Variants in RUNX1T1 observed in about 807,000 individuals in gnomAD.
The protein encoded by RUNX1T1 is RUNX1 partner transcriptional co-repressor 1.
Under a neutral mutation model 62.8 loss-of-function variants are expected in RUNX1T1, and 4 were observed. That is an observed-to-expected ratio of 0.06 (90% CI 0.03 to 0.15). The LOEUF (loss-of-function observed/expected upper bound fraction) is 0.15. Ranked by LOEUF, RUNX1T1 falls within the 10% of genes least tolerant of loss-of-function variation. RUNX1T1 has a pLI of 1.00. For synonymous variants in RUNX1T1, 291 were observed against 286.0 expected (o/e 1.02, Z -0.18); for missense variants, 508 against 754.3 (o/e 0.67, Z 3.82).
At chr8:91,963,830 ATGAC>A (rs1319215959) in intron 10 of RUNX1T1, among the ~76,000 whole-genome samples, 2 of 152,204 alleles carry the variant, frequency 1.3e-5, no homozygotes, top group Admixed American at 6.5e-5. Flanking sequence ...TTATTTTTAA[ATGAC>A]TGAGCTTCCC....
At chr8:92,065,870 TTAAG>T (rs1442050410), upstream of RUNX1T1, among the ~76,000 whole-genome samples, 14 of 152,158 alleles carry the variant, frequency 9.2e-5, no homozygotes, top group Non-Finnish European at 4.4e-5. Flanking sequence ...ACAGTGGGTA[TTAAG>T]TGAGTTAATT....
At chr8:92,027,858 T>C (rs963675367) in intron 1 of RUNX1T1, among the ~76,000 whole-genome samples, 1 of 152,054 alleles carries the variant, frequency 6.6e-6, no homozygotes, top group Non-Finnish European at 1.5e-5. Context: ...CTCATCTCCA[T>C]ACAGGGACAA....
At chr8:92,005,445 A>C in intron 4 of RUNX1T1, 148 bp from the exon 6 acceptor site, 1 of 656,368 alleles carries the variant, frequency 1.5e-6, no homozygotes, top group East Asian at 2.9e-5. Context: ...CCACAGGCAC[A>C]ATTCTCAGCA....
At chr8:92,054,201 T>C (rs1830662037) in intron 1 of RUNX1T1, among the ~76,000 whole-genome samples, 1 of 151,882 alleles carries the variant, frequency 6.6e-6, no homozygotes, top group South Asian at 2.1e-4. Context: ...CCATTCTAAG[T>C]TTGGTTATCT....
intron 1 of RUNX1T1, among the ~76,000 whole-genome samples, chr8:92,078,723 C>A (rs998986034): frequency 6.6e-6 from 1 of 152,184 alleles, no homozygotes; most frequent in Non-Finnish European, 1.5e-5. Flanking sequence ...AGAAAGTGAA[C>A]TCTGCTATAT....
chr8:91,979,969 T>C (rs1291951005), intron 8 of RUNX1T1: 9 of 392,944 alleles, frequency 2.3e-5, no homozygotes, highest in Non-Finnish European at 4.5e-5. Flanking sequence ...CATGATAATA[T>C]CTATTACAAA....
intron 1 of RUNX1T1, among the ~76,000 whole-genome samples, chr8:92,027,701 GC>G (rs1326100396): frequency 6.6e-6 from 1 of 152,112 alleles, no homozygotes; most frequent in Non-Finnish European, 1.5e-5. Flanking sequence ...TCAGCAGCTG[GC>G]CCAGAATCAG....
chr8:92,020,205 T>C (rs1823814525), intron 1 of RUNX1T1, among the ~76,000 whole-genome samples: 2 of 152,208 alleles, frequency 1.3e-5, no homozygotes, highest in Admixed American at 6.5e-5. Context: ...GAACACTCTC[T>C]GGAGCACAGA....
rs930965484 is a variant in RUNX1T1, at chr8:92,092,447, A to G, written c.-86+7133T>C. Among the ~76,000 whole-genome samples, 4 of 152,310 alleles carry G rather than the reference A, an allele frequency of 2.6e-5. 1 individual carries two copies. Among genetic ancestry groups the G allele is most frequent in the South Asian group, 4.1e-4 (2 of 4,828 alleles). On this transcript the variant is annotated intron_variant, in intron 1 of 11. Coordinates refer to the RUNX1T1 transcript ENST00000265814. ...AAGCATAATTTAATCATTTTATTTA[A>G]GCATGGAAAAGATTATTCTGAAAGC...
At chr8:91,962,231 A>G (rs1810623400) in intron 10 of RUNX1T1, among the ~76,000 whole-genome samples, 1 of 152,232 alleles carries the variant, frequency 6.6e-6, no homozygotes, top group Non-Finnish European at 1.5e-5. Context: ...TAACCATCAG[A>G]CATTGCTATG....
chr8:92,062,198 A>G (rs1180074882), intron 1 of RUNX1T1, among the ~76,000 whole-genome samples: 1 of 152,210 alleles, frequency 6.6e-6, no homozygotes, highest in African/African-American at 2.4e-5. Flanking sequence ...GACACCAAGT[A>G]CAGATGATAG....
chr8:92,025,551 A>C (rs1301673863), intron 1 of RUNX1T1, among the ~76,000 whole-genome samples: 1 of 152,192 alleles, frequency 6.6e-6, no homozygotes, highest in Non-Finnish European at 1.5e-5. Context: ...CACTTCAGCC[A>C]GAAACCTTTT....
chr8:91,959,431 T>G, exon 11 of RUNX1T1: 1 of 98,946 alleles, frequency 1.0e-5, no homozygotes. Flanking sequence ...TGTGTGTGTG[T>G]GTGTGTGTGT....
chr8:92,066,016 G>A (rs574525349), upstream of RUNX1T1, among the ~76,000 whole-genome samples: 16 of 152,160 alleles, frequency 1.1e-4, no homozygotes, highest in African/African-American at 2.4e-4. Context: ...TATTCTAACC[G>A]ACCCAATAAA....
At chr8:92,004,365 G>C (rs1395561933) in intron 5 of RUNX1T1, 8 of 152,186 alleles carry the variant, frequency 5.3e-5, no homozygotes, top group Admixed American at 5.2e-4. Flanking sequence ...TCCTATATCA[G>C]AAGATAATTA....
chr8:92,003,270 A>C, intron 5 of RUNX1T1: 1 of 433,472 alleles, frequency 2.3e-6, no homozygotes, highest in Non-Finnish European at 4.6e-6. Flanking sequence ...TGAAGTTTTC[A>C]TATCAGTGTT....
At chr8:92,010,750 A>C (rs1009458259) in intron 4 of RUNX1T1, 4 of 346,950 alleles carry the variant, frequency 1.2e-5, no homozygotes, top group Non-Finnish European at 2.1e-5. Flanking sequence ...TGACCAAAAA[A>C]ATGAACAAAA....
chr8:92,034,815 C>CATATATATAT (rs1563811269), intron 1 of RUNX1T1, among the ~76,000 whole-genome samples: 1 of 109,490 alleles, frequency 9.1e-6, no homozygotes, highest in African/African-American at 4.0e-5. Context: ...CACACACACA[C>CATATATATAT]ACACACACAC....
chr8:92,079,771 C>T (rs955999799), intron 1 of RUNX1T1, among the ~76,000 whole-genome samples: 1 of 152,148 alleles, frequency 6.6e-6, no homozygotes, highest in Admixed American at 6.6e-5. Flanking sequence ...TCCAACCACG[C>T]CCTTCCAGAG....
Sources: gnomAD v4.1 joint callset for allele counts (sites outside exome capture counted in the v4.1 genomes callset) on GRCh38, gnomAD v4.1.1 for gene constraint, MANE v1.5 for transcripts, NCBI Gene and HGNC (gene_info 2026-07-23, HGNC 2026-07-21) for gene names.